ARHGEF9: variants seen among roughly 807,000 people sequenced by gnomAD.
ARHGEF9 encodes the protein Cdc42 guanine nucleotide exchange factor 9.
In ARHGEF9, 2 loss-of-function variants were observed where a neutral mutation model predicts 41.3. The observed-to-expected ratio is 0.05, with a 90% CI of 0.02 to 0.15. The LOEUF is 0.15. ARHGEF9 is among the 10% of genes least tolerant of loss of function. The pLI is 1.00. For synonymous variants in ARHGEF9, 160 were observed against 154.4 expected (o/e 1.04, Z -0.27); for missense variants, 225 against 424.7 (o/e 0.53, Z 4.13).
chrX:63,708,183 A>C (rs782095538), intron 2 of ARHGEF9, among the ~76,000 whole-genome samples: 3 of 111,931 alleles, frequency 2.7e-5, no homozygotes, highest in Non-Finnish European at 5.6e-5. Flanking sequence ...CATATACATG[A>C]TGCTGTCTAT....
intron 3 of ARHGEF9, among the ~76,000 whole-genome samples, chrX:63,704,241 T>C (rs781808096): frequency 8.5e-4 from 96 of 112,614 alleles, no homozygotes; most frequent in Non-Finnish European, 1.4e-3. Flanking sequence ...AATATAGGTA[T>C]CATTTTGGAG....
intron 1 of ARHGEF9, among the ~76,000 whole-genome samples, chrX:63,761,523 G>A (rs1343659160): frequency 9.0e-6 from 1 of 111,592 alleles, no homozygotes; most frequent in African/African-American, 3.3e-5. Context: ...TGTAAAGGAA[G>A]TCTTGTTATG....
chrX:63,663,409 G>A (rs2049337113), intron 7 of ARHGEF9, among the ~76,000 whole-genome samples: 1 of 110,651 alleles, frequency 9.0e-6, no homozygotes, highest in South Asian at 3.9e-4. Flanking sequence ...ACTTCCTAGG[G>A]GTCTTTGTTT....
At chrX:63,683,966 G>A (rs2050819351) in intron 4 of ARHGEF9, among the ~76,000 whole-genome samples, 1 of 109,758 alleles carries the variant, frequency 9.1e-6, no homozygotes, top group Non-Finnish European at 1.9e-5. Context: ...GAAACAAGTG[G>A]GACTGCATCA....
At chrX:63,782,741 C>T (rs2056402709) in intron 1 of ARHGEF9, among the ~76,000 whole-genome samples, 1 of 112,463 alleles carries the variant, frequency 8.9e-6, no homozygotes, top group African/African-American at 3.2e-5. Flanking sequence ...GCTAGATACA[C>T]AATCCCTATT....
chrX:63,648,461 A>G (rs1480035452), intron 8 of ARHGEF9, among the ~76,000 whole-genome samples: 3 of 111,490 alleles, frequency 2.7e-5, no homozygotes, highest in East Asian at 2.8e-4. Flanking sequence ...CACTAAACAC[A>G]GAAAGGAACA....
At chrX:63,777,814 G>T (rs1430948390) in intron 1 of ARHGEF9, among the ~76,000 whole-genome samples, 1 of 112,528 alleles carries the variant, frequency 8.9e-6, no homozygotes, top group East Asian at 2.8e-4. Flanking sequence ...CTCACATCAG[G>T]TCACTGTGAA....
intron 6 of ARHGEF9, 122 bp downstream of exon 6, chrX:63,673,916 C>G: frequency 2.2e-6 from 2 of 914,655 alleles, no homozygotes; most frequent in Non-Finnish European, 1.5e-6. Context: ...TACCTTGAGT[C>G]TAATCTAAAT....
chrX:63,650,543 A>G (rs2048476210), intron 8 of ARHGEF9, among the ~76,000 whole-genome samples: 2 of 111,207 alleles, frequency 1.8e-5, no homozygotes, highest in Non-Finnish European at 3.8e-5. Context: ...TAATAGGTAC[A>G]AAAACACAGT....
At chrX:63,640,631 G>T (rs1556304853) in intron 9 of ARHGEF9, 1 of 112,007 alleles carries the variant, frequency 8.9e-6, no homozygotes, top group Non-Finnish European at 1.9e-5. Flanking sequence ...AAGGTCAAGT[G>T]AAAAGGCCTT....
At chrX:63,748,085 C>A (rs1556436473) in intron 1 of ARHGEF9, among the ~76,000 whole-genome samples, 3 of 112,066 alleles carry the variant, frequency 2.7e-5, no homozygotes, top group African/African-American at 9.7e-5. Context: ...AAGCATACAA[C>A]AAATCTATCG....
At chrX:63,652,662 C>A (rs1174517569) in intron 8 of ARHGEF9, among the ~76,000 whole-genome samples, 1 of 111,027 alleles carries the variant, frequency 9.0e-6, no homozygotes, top group African/African-American at 3.3e-5. Context: ...TGTGCCCATT[C>A]GACTAGACTG....
intron 2 of ARHGEF9, among the ~76,000 whole-genome samples, chrX:63,716,948 T>A (rs1217120503): frequency 8.9e-6 from 1 of 112,338 alleles, no homozygotes; most frequent in Non-Finnish European, 1.9e-5. Flanking sequence ...CTTTATTAAA[T>A]GTACGCTTAA....
intron 8 of ARHGEF9, among the ~76,000 whole-genome samples, chrX:63,650,768 T>C (rs2048492462): frequency 9.0e-6 from 1 of 110,674 alleles, no homozygotes; most frequent in Non-Finnish European, 1.9e-5. Context: ...CTTAAAAATA[T>C]GTATAATGAT....
At chrX:63,691,997 G>C (rs2147413400) in intron 4 of ARHGEF9, among the ~76,000 whole-genome samples, 1 of 111,552 alleles carries the variant, frequency 9.0e-6, no homozygotes, top group Admixed American at 9.5e-5. Flanking sequence ...CAAACTGGAT[G>C]TCCATATGCA....
chrX:63,742,576 A>G, intron 1 of ARHGEF9, among the ~76,000 whole-genome samples: 1 of 111,789 alleles, frequency 8.9e-6, no homozygotes, highest in Non-Finnish European at 1.9e-5. Flanking sequence ...TCTCCACCAA[A>G]GCCCAGGCAA....
At chrX:63,716,173 AG>A (rs2053282246) in intron 2 of ARHGEF9, 1 of 110,420 alleles carries the variant, frequency 9.1e-6, no homozygotes, top group Non-Finnish European at 1.9e-5. Context: ...CTGTAGTCCC[AG>A]CTACTCAGGA....
chrX:63,769,717 C>T (rs1200155023), intron 1 of ARHGEF9, among the ~76,000 whole-genome samples: 1 of 112,473 alleles, frequency 8.9e-6, no homozygotes, highest in African/African-American at 3.2e-5. Flanking sequence ...GGCCAAGGTA[C>T]AGCTCAGGCT....
intron 6 of ARHGEF9, among the ~76,000 whole-genome samples, 190 bp downstream of exon 6, chrX:63,673,848 C>G (rs1486152615): frequency 1.8e-5 from 2 of 111,688 alleles, no homozygotes; most frequent in Admixed American, 9.5e-5. Context: ...ACAAAAATTT[C>G]TCCAAGCTTC....
Sources: gnomAD v4.1 joint callset for allele counts (sites outside exome capture counted in the v4.1 genomes callset) on GRCh38, gnomAD v4.1.1 for gene constraint, MANE v1.5 for transcripts, NCBI Gene and HGNC (gene_info 2026-07-23, HGNC 2026-07-21) for gene names.